MEF2C: variants seen among roughly 807,000 people sequenced by gnomAD.
The protein encoded by MEF2C is myocyte enhancer factor 2C.
In MEF2C, 6 loss-of-function variants were observed where a neutral mutation model predicts 50.5. The ratio of observed to expected loss-of-function variants is 0.12; its 90% CI spans 0.07 to 0.23. The LOEUF is 0.23. Among genes scored for constraint, MEF2C ranks in the 10% least tolerant of loss-of-function variants. MEF2C has a pLI of 1.00. For synonymous variants in MEF2C, 183 were observed against 228.0 expected (o/e 0.80, Z 1.78); for missense variants, 276 against 605.0 (o/e 0.46, Z 5.70).
chr5:88,850,894 C>G (rs1179805291), intron 1 of MEF2C, among the ~76,000 whole-genome samples: 1 of 151,910 alleles, frequency 6.6e-6, no homozygotes. Flanking sequence ...TCGTCTTCAT[C>G]AGCCTACTCA....
intron 3 of MEF2C, among the ~76,000 whole-genome samples, chr5:88,773,406 T>A (rs2152797727): frequency 6.6e-6 from 1 of 152,308 alleles, no homozygotes; most frequent in Non-Finnish European, 1.5e-5. Flanking sequence ...AAACTTAAAT[T>A]ATAAAAGGAA....
At chr5:88,869,870 C>T (rs539419527) in intron 1 of MEF2C, among the ~76,000 whole-genome samples, 4 of 149,782 alleles carry the variant, frequency 2.7e-5, no homozygotes, top group Admixed American at 6.7e-5. Context: ...GTGTATCACG[C>T]GTCTCTATAT....
intron 2 of MEF2C, 121 bp from the exon 3 acceptor site, chr5:88,804,922 T>TGAC: frequency 1.5e-6 from 1 of 675,228 alleles, no homozygotes; most frequent in Non-Finnish European, 2.5e-6. Context: ...CCCTGGGCAC[T>TGAC]AACACATTCA....
intron 6 of MEF2C, among the ~76,000 whole-genome samples, chr5:88,744,729 ACCAAGAG>A (rs1768541865): frequency 6.6e-6 from 1 of 152,240 alleles, no homozygotes; most frequent in Admixed American, 6.5e-5. Flanking sequence ...TTTCTCTTAT[ACCAAGAG>A]TACAACTCCA....
In MEF2C at chr5:88,861,645, C is replaced by T. The variant is rs1825572170; in HGVS notation, c.-143+21310G>A. ...TGAGACAACAGTCCTGATAAATATGCCCCTTTTCTGCAGAACCAGTATTAG... is the reference window on the plus strand; with the variant it reads ...TGAGACAACAGTCCTGATAAATATGTCCCTTTTCTGCAGAACCAGTATTAG... On this transcript the variant is annotated intron_variant, in intron 1 of 10. Transcript: ENST00000504921. Among the ~76,000 whole-genome samples, 3 of 152,124 alleles carry T rather than the reference C, an allele frequency of 2.0e-5. No individual in the cohort carries two copies. The South Asian group carries it at 6.2e-4, about 32-fold the overall frequency.
At chr5:88,738,302 A>T (rs1764968262) in intron 6 of MEF2C, 3 of 985,302 alleles carry the variant, frequency 3.0e-6, no homozygotes, top group Non-Finnish European at 3.6e-6. Flanking sequence ...AACACAGTGT[A>T]TAGTATTATT....
At chr5:88,859,697 C>T (rs139116893) in intron 1 of MEF2C, among the ~76,000 whole-genome samples, 226 of 152,272 alleles carry the variant, frequency 1.5e-3, no homozygotes, top group African/African-American at 5.0e-3. Flanking sequence ...TGGGAAGTTG[C>T]GCTCAACGAG....
At chr5:88,829,125 T>A (rs1812045515) in intron 1 of MEF2C, among the ~76,000 whole-genome samples, 1 of 152,026 alleles carries the variant, frequency 6.6e-6, no homozygotes, top group South Asian at 2.1e-4. Flanking sequence ...TCTTCAAGTC[T>A]CAGTAACATA....
intron 3 of MEF2C, among the ~76,000 whole-genome samples, chr5:88,773,459 T>C (rs918138336): frequency 2.6e-5 from 4 of 152,230 alleles, no homozygotes; most frequent in Non-Finnish European, 4.4e-5. Flanking sequence ...AATGTCTCTT[T>C]TATTCTTCCT....
At chr5:88,876,630 A>G (rs1460463480) in intron 1 of MEF2C, among the ~76,000 whole-genome samples, 1 of 151,982 alleles carries the variant, frequency 6.6e-6, no homozygotes, top group Non-Finnish European at 1.5e-5. Flanking sequence ...ATAAATAAGC[A>G]TATTTAAGCC....
intron 1 of MEF2C, among the ~76,000 whole-genome samples, chr5:88,841,856 T>G (rs1360904372): frequency 6.6e-6 from 1 of 152,244 alleles, no homozygotes; most frequent in African/African-American, 2.4e-5. Context: ...ACACTCCTGA[T>G]AGCACATTAA....
intron 1 of MEF2C, among the ~76,000 whole-genome samples, chr5:88,869,695 TTA>T (rs1393690547): frequency 6.6e-6 from 1 of 151,200 alleles, no homozygotes; most frequent in African/African-American, 2.4e-5. Context: ...ACCAGAAAAA[TTA>T]TTTTTTATGA....
chr5:88,780,850 T>C, intron 3 of MEF2C: 1 of 985,386 alleles, frequency 1.0e-6, no homozygotes, highest in African/African-American at 1.7e-5. Flanking sequence ...CTTCTCTTTC[T>C]CCCTACATCT....
chr5:88,884,585 T>G (rs1312874865), upstream of MEF2C: 1 of 88,280 alleles, frequency 1.1e-5, no homozygotes, highest in Non-Finnish European at 2.3e-5. Flanking sequence ...GTTCCCCCCC[T>G]CCCCCCACTC....
At chr5:88,870,253 A>G (rs766397206) in intron 1 of MEF2C, among the ~76,000 whole-genome samples, 1 of 152,058 alleles carries the variant, frequency 6.6e-6, no homozygotes, top group Non-Finnish European at 1.5e-5. Context: ...TGGAAAGTAA[A>G]TATTTGGTCA....
At chr5:88,811,088 T>C (rs1289301436) in intron 2 of MEF2C, among the ~76,000 whole-genome samples, 1 of 152,132 alleles carries the variant, frequency 6.6e-6, no homozygotes, top group Non-Finnish European at 1.5e-5. Flanking sequence ...AGAACCATCT[T>C]TGGTAGCATA....
chr5:88,734,274 C>A (rs1052398747), intron 6 of MEF2C: 2 of 985,212 alleles, frequency 2.0e-6, no homozygotes, highest in Non-Finnish European at 2.4e-6. Context: ...TGTCACTTAT[C>A]TATTAAGCCT....
intron 2 of MEF2C, among the ~76,000 whole-genome samples, chr5:88,818,408 A>C (rs1195857229): frequency 3.9e-5 from 6 of 151,978 alleles, no homozygotes; most frequent in Non-Finnish European, 4.4e-5. Context: ...GTACCATGTG[A>C]AAGAGGGTAA....
intron 2 of MEF2C, among the ~76,000 whole-genome samples, chr5:88,816,915 G>C (rs1285856955): frequency 6.6e-6 from 1 of 151,816 alleles, no homozygotes; most frequent in Non-Finnish European, 1.5e-5. Context: ...TTCACTGATT[G>C]AGCTTTTTTT....
Sources: gnomAD v4.1 joint callset for allele counts (sites outside exome capture counted in the v4.1 genomes callset) on GRCh38, gnomAD v4.1.1 for gene constraint, MANE v1.5 for transcripts, NCBI Gene and HGNC (gene_info 2026-07-23, HGNC 2026-07-21) for gene names.